Variants in CWF19L1 observed in about 807,000 individuals in gnomAD.
CWF19L1 encodes CWF19-like protein 1.
CWF19L1 carries 60 observed loss-of-function variants against 69.7 expected under a neutral mutation model. That is an observed-to-expected ratio of 0.86 (90% CI 0.70 to 1.07). The LOEUF (loss-of-function observed/expected upper bound fraction) is 1.07, where lower values mean the gene tolerates loss of function less well. CWF19L1 is among the 50% of genes least tolerant of loss of function. The pLI is 0.00. For synonymous variants in CWF19L1, 209 were observed against 222.2 expected, an observed-to-expected ratio of 0.94 and a Z score of 0.53; for missense variants, 591 against 638.9, an observed-to-expected ratio of 0.92 and a Z score of 0.81.
At chr10:100,259,971 CCTGA>C (rs1281318707) in intron 4 of CWF19L1, among the ~76,000 whole-genome samples, 2 of 152,046 alleles carry the variant, frequency 1.3e-5, no homozygotes, top group African/African-American at 2.4e-5. Context: ...TCGAGATGAT[CCTGA>C]CTAACACGGT....
At position 100,261,072 on chromosome 10, in the gene CWF19L1, T is replaced by A. The variant is rs1027566233; in HGVS notation, c.109-28A>T. The A allele has an allele frequency of 5.4e-6, 8 of 1,493,864 alleles. No homozygotes were observed. In the African/African-American group the frequency reaches 1.1e-4, roughly 21 times the overall value. The allele number at this position is 1,493,864 out of a possible 1,614,324, so 92.5% of individuals were successfully genotyped here. Reference sequence around the variant, plus strand: ...AAAATGAGTTTTTTAAACAGATATATGAGATTTTAAAATATCAAACAGTAC... The same window carrying A: ...AAAATGAGTTTTTTAAACAGATATAAGAGATTTTAAAATATCAAACAGTAC... On this transcript the variant is annotated intron_variant, in intron 2 of 13. Coordinates refer to ENST00000354105, the MANE Select transcript of CWF19L1 (RefSeq NM_018294.6).
intron 5 of CWF19L1, among the ~76,000 whole-genome samples, chr10:100,255,762 C>CA (rs11428759): frequency 0.45 from 53,010 of 117,892 alleles, 11,564 homozygotes; most frequent in Non-Finnish European, 0.51. Flanking sequence ...AACTCCATCT[C>CA]AAAAAAAAAA....
chr10:100,238,427 T>A (rs1389099761), intron 10 of CWF19L1, among the ~76,000 whole-genome samples, 196 bp from the exon 11 acceptor site: 1 of 152,220 alleles, frequency 6.6e-6, no homozygotes, highest in African/African-American at 2.4e-5. Flanking sequence ...AAGAGTGAGA[T>A]TCGGCATGAA....
chr10:100,262,709 A>G (rs1168315340), intron 1 of CWF19L1, among the ~76,000 whole-genome samples: 1 of 152,184 alleles, frequency 6.6e-6, no homozygotes, highest in East Asian at 1.9e-4. Context: ...CAGGAAGTAG[A>G]AAATGGCAAG....
intron 9 of CWF19L1, among the ~76,000 whole-genome samples, chr10:100,244,425 G>A (rs1458068731): frequency 4.6e-5 from 7 of 152,102 alleles, no homozygotes; most frequent in Admixed American, 3.9e-4. Flanking sequence ...GCGCGATCTC[G>A]GCTCACTGCA....
At chr10:100,237,678 G>T (rs142036221) in intron 11 of CWF19L1, among the ~76,000 whole-genome samples, 1 of 151,732 alleles carries the variant, frequency 6.6e-6, no homozygotes, top group Admixed American at 6.6e-5. Context: ...ATGGAGTCTC[G>T]CTCTGTTGCC....
At chr10:100,262,637 C>T (rs1378241716) in intron 1 of CWF19L1, 1 of 186,034 alleles carries the variant, frequency 5.4e-6, no homozygotes, top group Non-Finnish European at 1.0e-5. Flanking sequence ...GGAAGACACT[C>T]TAATCATTAT....
chr10:100,255,249 T>G (rs1847169663), intron 5 of CWF19L1, among the ~76,000 whole-genome samples: 1 of 152,252 alleles, frequency 6.6e-6, no homozygotes, highest in Non-Finnish European at 1.5e-5. Flanking sequence ...CCAGGTATGG[T>G]GGCTCACGCC....
In CWF19L1 at chr10:100,252,572, C is replaced by T. The variant is rs150271654; in HGVS notation, c.623+849G>A. On this transcript the variant is annotated intron_variant, in intron 6 of 13. Transcript: ENST00000354105. ...TTTCTTGGCTGGGCATGGTGGCTCA[C>T]GCCTGTAATCCCAGCACTTTGGGAG... 2.5e-3 allele frequency among the ~76,000 whole-genome samples: 374 copies of T among 152,260 alleles called. 2 individuals are homozygous for T. Among genetic ancestry groups the T allele is most frequent in the African/African-American group, 7.9e-3 (327 of 41,564 alleles).
intron 10 of CWF19L1, among the ~76,000 whole-genome samples, chr10:100,239,191 G>C (rs186705813): frequency 1.2e-4 from 18 of 152,236 alleles, no homozygotes; most frequent in Admixed American, 4.6e-4. Context: ...TCCAACAATG[G>C]ATGTCAGCCT....
chr10:100,261,189 T>C (rs1035164236), intron 2 of CWF19L1, 145 bp from the exon 3 acceptor site: 10 of 589,038 alleles, frequency 1.7e-5, no homozygotes, highest in African/African-American at 3.7e-5. Context: ...TACAATTCTT[T>C]AGCAGCAACT....
chr10:100,267,600 G>A lies in CWF19L1; in HGVS notation c.-7C>T. The A allele has an allele frequency of 5.6e-6, 9 of 1,614,170 alleles. No homozygotes were observed. Among genetic ancestry groups the A allele is most frequent in the Non-Finnish European group, 7.6e-6 (9 of 1,180,026 alleles). ...GCAGCGGTTTCTGTGCCATCTGTCC[G>A]AATAGTATGGGTTGCGACTGCCACC... On this transcript the variant is annotated 5_prime_UTR_variant, in exon 1 of 14. Transcript: ENST00000354105.
At chr10:100,238,400 T>C (rs1846523292) in intron 10 of CWF19L1, among the ~76,000 whole-genome samples, 169 bp from the exon 11 acceptor site, 1 of 152,230 alleles carries the variant, frequency 6.6e-6, no homozygotes, top group African/African-American at 2.4e-5. Flanking sequence ...AGCAACAATG[T>C]TCTCAGGTAT....
At chr10:100,235,877 A>G in intron 12 of CWF19L1, 113 bp from the exon 13 acceptor site, 1 of 742,108 alleles carries the variant, frequency 1.3e-6, no homozygotes, top group South Asian at 1.7e-5. Flanking sequence ...AAAGATATGT[A>G]TGTTGCTATA....
intron 1 of CWF19L1, 31 bp downstream of exon 1, chr10:100,267,540 G>C: frequency 6.2e-7 from 1 of 1,614,172 alleles, no homozygotes; most frequent in Non-Finnish European, 8.5e-7. Context: ...AAGAGACACA[G>C]GGAGAGAGGC....
chr10:100,238,579 A>ACAGTTTTT (rs1406022318), intron 10 of CWF19L1, among the ~76,000 whole-genome samples: 1 of 152,124 alleles, frequency 6.6e-6, no homozygotes, highest in African/African-American at 2.4e-5. Context: ...AAACTTGAAA[A>ACAGTTTTT]CAGTTTTTCA....
At chr10:100,259,800 T>C (rs574473255) in intron 4 of CWF19L1, among the ~76,000 whole-genome samples, 1 of 152,248 alleles carries the variant, frequency 6.6e-6, no homozygotes, top group African/African-American at 2.4e-5. Flanking sequence ...CAGGCTGCAA[T>C]CACTGAAAAA....
At chr10:100,233,436 C>T in intron 13 of CWF19L1, 65 bp from the exon 14 acceptor site, 1 of 1,524,480 alleles carries the variant, frequency 6.6e-7, no homozygotes, top group Non-Finnish European at 8.9e-7. Context: ...CAACATCACC[C>T]AAAGGAGGTA....
rs1846457894 is a variant in CWF19L1 at position 100,236,896 on chromosome 10, T to C, written c.1328A>G (p.Gln443Arg). 6.2e-7 allele frequency: 1 copy of C among 1,612,472 alleles called. No individual in the cohort carries two copies. The highest frequency in any genetic ancestry group is 8.5e-7 in the Non-Finnish European group (1 of 1,179,192). Residue 443 changes from glutamine (Q) to arginine (R), a missense_variant, in exon 12 of 14, where the codon CAG becomes CGG. Physicochemically the swap from Gln to Arg is conservative, Grantham distance 43 (BLOSUM62 1). Transcript: ENST00000354105. ...KDAFITQAQE[Q>R]QIELLEIPEH... The stretch of plus-strand genomic sequence containing the variant: ...TGGGATTTCCAACAGCTCTATCTGC[T>C]GCTCCTGTGCCTGGGTAATGAAGGC...
Sources: allele counts gnomAD v4.1 joint callset (sites outside exome capture counted in the v4.1 genomes callset), GRCh38; gene constraint gnomAD v4.1.1; transcripts MANE v1.5; gene names NCBI Gene and HGNC (gene_info 2026-07-23, HGNC 2026-07-21).